Variants in HDAC9 observed in about 807,000 individuals in gnomAD.
The protein encoded by HDAC9 is MEF-2 interacting transcription repressor (MITR) protein.
A neutral mutation model predicts 139.4 loss-of-function variants in HDAC9; 41 were observed. The ratio of observed to expected loss-of-function variants is 0.29; its 90% CI spans 0.23 to 0.38. HDAC9 has a LOEUF of 0.38. Ranked by LOEUF, HDAC9 falls within the 10% of genes least tolerant of loss-of-function variation. HDAC9 has a pLI of 1.00. For synonymous variants in HDAC9, 517 were observed against 476.2 expected (o/e 1.09, Z -1.12); for missense variants, 1,147 against 1,297.0 (o/e 0.88, Z 1.78).
chr7:18,566,600 T>G (rs1321778108), intron 2 of HDAC9, among the ~76,000 whole-genome samples: 1 of 152,176 alleles, frequency 6.6e-6, no homozygotes, highest in African/African-American at 2.4e-5. Context: ...CTCCCTGGTT[T>G]TATTTGTTTT....
At chr7:18,645,761 C>G (rs887464783) in intron 9 of HDAC9, among the ~76,000 whole-genome samples, 15 of 152,150 alleles carry the variant, frequency 9.9e-5, no homozygotes, top group Non-Finnish European at 1.8e-4. Context: ...TATTCCAACT[C>G]TCATCACCAG....
At chr7:18,509,453 GGT>G in intron 2 of HDAC9, 11 of 985,316 alleles carry the variant, frequency 1.1e-5, no homozygotes, top group Non-Finnish European at 1.3e-5. Flanking sequence ...AATGGTTAGT[GGT>G]GACTTGTTTT....
At chr7:18,854,971 A>G (rs1797569024) in intron 21 of HDAC9, among the ~76,000 whole-genome samples, 1 of 152,096 alleles carries the variant, frequency 6.6e-6, no homozygotes, top group Admixed American at 6.6e-5. Flanking sequence ...AAATGTTTTG[A>G]TGATCACCTA....
chr7:18,696,745 G>T (rs545017441), intron 12 of HDAC9, among the ~76,000 whole-genome samples: 61 of 152,228 alleles, frequency 4.0e-4, no homozygotes, highest in African/African-American at 1.5e-3. Flanking sequence ...TGGGATTACA[G>T]GCGTGAGCCA....
At chr7:18,610,096 G>A (rs1473864713) in intron 6 of HDAC9, among the ~76,000 whole-genome samples, 2 of 152,070 alleles carry the variant, frequency 1.3e-5, no homozygotes, top group Admixed American at 6.6e-5. Context: ...AAAGACACAC[G>A]CACACATATG....
At chr7:18,713,373 CA>C (rs1023714079) in intron 12 of HDAC9, among the ~76,000 whole-genome samples, 32 of 152,052 alleles carry the variant, frequency 2.1e-4, no homozygotes, top group African/African-American at 7.0e-4. Context: ...GGGACTATCT[CA>C]AAAACCAATT....
At chr7:18,869,929 G>A (rs770122453) in intron 21 of HDAC9, among the ~76,000 whole-genome samples, 102 of 150,288 alleles carry the variant, frequency 6.8e-4, no homozygotes, top group Non-Finnish European at 1.1e-3. Flanking sequence ...TCCTTATTCC[G>A]GAAATTTGTT....
At chr7:18,895,076 A>G (rs1801057965) in intron 22 of HDAC9, among the ~76,000 whole-genome samples, 1 of 152,138 alleles carries the variant, frequency 6.6e-6, no homozygotes, top group Non-Finnish European at 1.5e-5. Context: ...AATTATCTAC[A>G]GGAGTGAAAA....
At chr7:18,389,722 C>T (rs1374470030) in intron 1 of HDAC9, among the ~76,000 whole-genome samples, 1 of 152,086 alleles carries the variant, frequency 6.6e-6, no homozygotes, top group African/African-American at 2.4e-5. Context: ...ACCTTAAAGA[C>T]AGTTGGACTT....
chr7:18,763,418 G>A (rs1789557079), intron 15 of HDAC9, among the ~76,000 whole-genome samples: 2 of 151,642 alleles, frequency 1.3e-5, no homozygotes, highest in Non-Finnish European at 1.5e-5. Context: ...AGACCAGAGG[G>A]GAATACATAA....
intron 1 of HDAC9, among the ~76,000 whole-genome samples, chr7:18,306,580 C>G (rs146786528): frequency 9.4e-4 from 143 of 152,272 alleles, no homozygotes; most frequent in African/African-American, 3.3e-3. Flanking sequence ...CTGAAGCCTT[C>G]TACACATACT....
At chr7:18,660,907 G>A (rs539491733) in intron 11 of HDAC9, among the ~76,000 whole-genome samples, 1 of 152,280 alleles carries the variant, frequency 6.6e-6, no homozygotes, top group African/African-American at 2.4e-5. Context: ...ACCATGGTAG[G>A]AGGTTTGAAT....
intron 13 of HDAC9, among the ~76,000 whole-genome samples, chr7:18,732,613 GTA>G (rs1189305648): frequency 1.2e-4 from 16 of 137,220 alleles, no homozygotes; most frequent in East Asian, 2.3e-4. Flanking sequence ...GTGCATATGT[GTA>G]TATACACACA....
At chr7:18,565,222 C>G (rs1325741917) in intron 2 of HDAC9, among the ~76,000 whole-genome samples, 1 of 152,086 alleles carries the variant, frequency 6.6e-6, no homozygotes, top group African/African-American at 2.4e-5. Flanking sequence ...TCTCAAACTG[C>G]CAACCTCAGG....
chr7:18,834,882 T>G (rs527595315), intron 19 of HDAC9, among the ~76,000 whole-genome samples: 1 of 152,304 alleles, frequency 6.6e-6, no homozygotes, highest in South Asian at 2.1e-4. Flanking sequence ...ACCTTAATGG[T>G]GGGACTTGGC....
At chr7:18,408,116 T>G (rs1476122657) in intron 1 of HDAC9, among the ~76,000 whole-genome samples, 3 of 152,168 alleles carry the variant, frequency 2.0e-5, no homozygotes, top group Non-Finnish European at 4.4e-5. Flanking sequence ...TCAATAAGTG[T>G]TAATACTTAT....
At chr7:18,964,338 C>A (rs1435957375) in intron 24 of HDAC9, among the ~76,000 whole-genome samples, 1 of 152,126 alleles carries the variant, frequency 6.6e-6, no homozygotes, top group Admixed American at 6.6e-5. Flanking sequence ...AGATATACAC[C>A]TTCTGATTAT....
chr7:18,624,821 C>T (rs1446951896), intron 6 of HDAC9, among the ~76,000 whole-genome samples: 2 of 151,826 alleles, frequency 1.3e-5, no homozygotes, highest in Admixed American at 6.6e-5. Flanking sequence ...AGAGCATTGC[C>T]AGGACTAAAT....
intron 2 of HDAC9, among the ~76,000 whole-genome samples, chr7:18,274,028 A>G (rs889834656): frequency 6.6e-6 from 1 of 152,226 alleles, no homozygotes; most frequent in Non-Finnish European, 1.5e-5. Context: ...CTATATATGT[A>G]GTAAAGTTTC....
Sources: allele counts gnomAD v4.1 joint callset (sites outside exome capture counted in the v4.1 genomes callset), GRCh38; gene constraint gnomAD v4.1.1; transcripts MANE v1.5; gene names NCBI Gene and HGNC (gene_info 2026-07-23, HGNC 2026-07-21).